ADPGK: variants seen among roughly 807,000 people sequenced by gnomAD.
The protein encoded by ADPGK is ADP dependent glucokinase.
Under a neutral mutation model 42.4 loss-of-function variants are expected in ADPGK, and 26 were observed. That is an observed-to-expected ratio of 0.61 (90% CI 0.45 to 0.85). The LOEUF (loss-of-function observed/expected upper bound fraction) is 0.85. Among genes scored for constraint, ADPGK ranks in the 40% least tolerant of loss-of-function variants. ADPGK has a pLI of 0.00. For missense variants in ADPGK, 571 were observed against 627.0 expected, an observed-to-expected ratio of 0.91 and a Z score of 0.95; for synonymous variants, 267 against 252.6, an observed-to-expected ratio of 1.06 and a Z score of -0.54.
chr15:72,774,861 A>G lies in ADPGK; in HGVS notation c.459+11T>C. ...TCCACCCTTAATTTACTATTGCTGA[A>G]CCAAACAGACCTGGGCTCCTGGGAA... On this transcript the variant is annotated intron_variant, in intron 2 of 6. Coordinates refer to ENST00000456471, the MANE Select transcript of ADPGK (RefSeq NM_001365225.1). 1 of 1,603,966 alleles carries G rather than the reference A, an allele frequency of 6.2e-7. No individual in the cohort carries two copies. The highest frequency in any genetic ancestry group is 8.5e-7 in the Non-Finnish European group (1 of 1,171,830).
chr15:72,760,677 G>A (rs953080889), intron 3 of ADPGK, 150 bp from the exon 4 acceptor site: 1 of 1,119,308 alleles, frequency 8.9e-7, no homozygotes, highest in African/African-American at 1.6e-5. Context: ...TGTTGGTCTG[G>A]AGGTGTGCGG....
Position 72,774,873 on chromosome 15 carries a change from T to TGG in ADPGK, c.456_457dup (p.Gln153ProfsTer5). ...TTACTATTGCTGAACCAAACAGACC[T>TGG]GGGCTCCTGGGAACTCTGATGCAAC... On this transcript the variant is annotated frameshift_variant and splice_region_variant, in exon 2 of 7. Coordinates refer to ENST00000456471, the MANE Select transcript of ADPGK (RefSeq NM_001365225.1). LOFTEE classifies it high-confidence loss of function. 6.2e-7 allele frequency: 1 copy of TGG among 1,610,964 alleles called. No homozygotes were observed. The highest frequency in any genetic ancestry group is 8.5e-7 in the Non-Finnish European group (1 of 1,177,246).
intron 4 of ADPGK, chr15:72,758,448 TC>T (rs1485753806): frequency 7.5e-6 from 3 of 402,146 alleles, no homozygotes; most frequent in Non-Finnish European, 1.4e-5. Context: ...AATGGACAAA[TC>T]CCTTGGAATT....
intron 6 of ADPGK, among the ~76,000 whole-genome samples, chr15:72,754,864 T>C (rs1329734850): frequency 2.6e-5 from 4 of 152,184 alleles, no homozygotes; most frequent in Non-Finnish European, 4.4e-5. Flanking sequence ...TCAGGATATA[T>C]TTCTGTATTT....
In ADPGK at chr15:72,752,605, A is replaced by G; in HGVS notation, c.1230T>C (p.Ala410=). 1 of 1,614,250 alleles carries G rather than the reference A, an allele frequency of 6.2e-7. No homozygotes were observed. Among genetic ancestry groups the G allele is most frequent in the Non-Finnish European group, 8.5e-7 (1 of 1,180,044 alleles). The change falls in exon 7 of 7, where the codon GCT becomes GCC. Residue 410 remains alanine (A), a synonymous_variant. Transcript: ENST00000456471. ...LAAVAAGARV[A]GTQACATETI... ...TTTCTGTGGCGCAGGCCTGTGTCCC[A>G]GCCACACGAGCTCCTGCAGCCACGG...
rs1428158574 is a variant in ADPGK at position 72,754,135 on chromosome 15, A to G, written c.940-1240T>C. 3.3e-5 allele frequency among the ~76,000 whole-genome samples: 5 copies of G among 151,888 alleles called. No homozygotes were observed. The East Asian group carries it at 9.6e-4, about 29-fold the overall frequency. On this transcript the variant is annotated intron_variant, in intron 6 of 6. Transcript: ENST00000456471. ...CAAAACCAACGACAGTCAGCCCTCC[A>G]TATCCATGGCTTCAACCAACTTCAG... is the stretch of plus-strand genomic sequence containing the variant.
rs748107627 is a variant in ADPGK, at chr15:72,752,817, G to A, written c.1018C>T (p.His340Tyr). 15 of 1,614,238 alleles carry A rather than the reference G, an allele frequency of 9.3e-6. No homozygotes were observed. Among genetic ancestry groups the A allele is most frequent in the Non-Finnish European group, 1.2e-5 (14 of 1,180,048 alleles). Residue 340 changes from histidine to tyrosine, a missense_variant, in exon 7 of 7, where the codon CAC becomes TAC. This residue lies in a region of ADPGK where 434 missense variants were observed against 522.7 expected (regional missense o/e 0.83). Transcript: ENST00000456471. ...CCGTTCCAGGAAGAGAGAGAAGAGTGAGGTCCAGAGGCTGACTGGGTGAGA... is the reference window on the plus strand; with the variant it reads ...CCGTTCCAGGAAGAGAGAGAAGAGTAAGGTCCAGAGGCTGACTGGGTGAGA... ...LFLTQSASGP[H>Y]SSLSSWNGVP...
At chr15:72,770,354 C>CAAAT (rs1017292476) in intron 3 of ADPGK, among the ~76,000 whole-genome samples, 1 of 152,228 alleles carries the variant, frequency 6.6e-6, no homozygotes, top group African/African-American at 2.4e-5. Context: ...AGACCAAGAG[C>CAAAT]AAATGCTGGT....
At chr15:72,770,195 G>C (rs979229995) in intron 3 of ADPGK, among the ~76,000 whole-genome samples, 3 of 152,238 alleles carry the variant, frequency 2.0e-5, no homozygotes, top group Admixed American at 6.5e-5. Flanking sequence ...ACCTTACTTA[G>C]CCTCTCTAGA....
chr15:72,778,336 A>G (rs1195909871), intron 1 of ADPGK, among the ~76,000 whole-genome samples: 1 of 152,180 alleles, frequency 6.6e-6, no homozygotes, highest in African/African-American at 2.4e-5. Context: ...TACTTTAACC[A>G]GAATAAGAAT....
At chr15:72,764,168 G>T (rs1482903819) in intron 3 of ADPGK, among the ~76,000 whole-genome samples, 1 of 152,192 alleles carries the variant, frequency 6.6e-6, no homozygotes, top group Non-Finnish European at 1.5e-5. Flanking sequence ...ATTAAGCTTA[G>T]CGACGAAGGC....
chr15:72,768,395 C>T (rs777715650), intron 3 of ADPGK, among the ~76,000 whole-genome samples: 1 of 152,036 alleles, frequency 6.6e-6, no homozygotes, highest in Non-Finnish European at 1.5e-5. Flanking sequence ...GAAGAAAGGG[C>T]CAGGTGTATT....
chr15:72,769,267 C>T (rs1274806973), intron 3 of ADPGK, among the ~76,000 whole-genome samples: 1 of 152,198 alleles, frequency 6.6e-6, no homozygotes, highest in Admixed American at 6.5e-5. Context: ...AAAAACCACA[C>T]AATAACCTCA....
At chr15:72,757,933 G>C in intron 4 of ADPGK, 1 of 750,998 alleles carries the variant, frequency 1.3e-6, no homozygotes, top group South Asian at 1.8e-5. Context: ...CTTCTGCAAG[G>C]CAAGGATGAG....
intron 3 of ADPGK, among the ~76,000 whole-genome samples, chr15:72,761,700 A>AT (rs36022165): frequency 0.52 from 74,724 of 142,958 alleles, 21,046 homozygotes; most frequent in Middle Eastern, 0.68. Context: ...CTGCTTCATG[A>AT]TTTTTTTTTT....
chr15:72,774,533 T>G (rs916625146), intron 2 of ADPGK, among the ~76,000 whole-genome samples: 20 of 152,186 alleles, frequency 1.3e-4, no homozygotes, highest in African/African-American at 4.8e-4. Flanking sequence ...CGACAGGTTC[T>G]ACCTTGCAGA....
At chr15:72,759,181 C>A (rs145822518) in intron 4 of ADPGK, among the ~76,000 whole-genome samples, 1 of 152,190 alleles carries the variant, frequency 6.6e-6, no homozygotes, top group South Asian at 2.1e-4. Context: ...TGTGATCCAC[C>A]CGCTTCAGCC....
intron 4 of ADPGK, chr15:72,758,248 G>GTGA: frequency 2.3e-6 from 2 of 887,838 alleles, no homozygotes; most frequent in Non-Finnish European, 3.8e-6. Context: ...TGCCTGTAAT[G>GTGA]GTAGTTAGCG....
intron 1 of ADPGK, chr15:72,783,124 CTT>C: frequency 1.2e-6 from 1 of 844,218 alleles, no homozygotes; most frequent in Non-Finnish European, 1.5e-6. Context: ...GGTCAAGTAT[CTT>C]TGATTGCAAA....
Sources: gnomAD v4.1 joint callset for allele counts (sites outside exome capture counted in the v4.1 genomes callset) on GRCh38, gnomAD v4.1.1 for gene constraint, gnomAD v4.1.1 regional missense constraint, MANE v1.5 for transcripts, NCBI Gene and HGNC (gene_info 2026-07-23, HGNC 2026-07-21) for gene names.